ADAMTSL3: variants seen among roughly 807,000 people sequenced by gnomAD.
The protein encoded by ADAMTSL3 is ADAMTS like 3.
Under a neutral mutation model 201.7 loss-of-function variants are expected in ADAMTSL3, and 128 were observed. That is an observed-to-expected ratio of 0.63 (90% CI 0.55 to 0.73). The LOEUF (loss-of-function observed/expected upper bound fraction) is 0.73, where lower values mean the gene tolerates loss of function less well. Among genes scored for constraint, ADAMTSL3 ranks in the 30% least tolerant of loss-of-function variants. ADAMTSL3 has a pLI of 0.00. For missense variants in ADAMTSL3, 1,990 were observed against 2,119.6 expected (o/e 0.94, Z 1.20); for synonymous variants, 738 against 748.4 (o/e 0.99, Z 0.23).
At chr15:83,901,294 A>G (rs2065719333) in intron 15 of ADAMTSL3, among the ~76,000 whole-genome samples, 1 of 152,110 alleles carries the variant, frequency 6.6e-6, no homozygotes, top group Admixed American at 6.5e-5. Flanking sequence ...AAGGGAGTAA[A>G]GTAGTGGAGA....
At chr15:83,877,962 C>G (rs1239064791) in intron 9 of ADAMTSL3, among the ~76,000 whole-genome samples, 1 of 151,876 alleles carries the variant, frequency 6.6e-6, no homozygotes, top group African/African-American at 2.4e-5. Context: ...TTTGTGAATT[C>G]TTTTGGATTG....
intron 8 of ADAMTSL3, among the ~76,000 whole-genome samples, chr15:83,864,382 A>G (rs1279577482): frequency 2.6e-5 from 4 of 152,190 alleles, no homozygotes; most frequent in Non-Finnish European, 4.4e-5. Context: ...CTGGCAAACC[A>G]AATCCAGCAG....
intron 26 of ADAMTSL3, among the ~76,000 whole-genome samples, chr15:84,022,582 C>T (rs2068223390): frequency 6.6e-6 from 1 of 152,206 alleles, no homozygotes; most frequent in African/African-American, 2.4e-5. Flanking sequence ...GTGCAATTTA[C>T]ACATTTATCT....
intron 3 of ADAMTSL3, among the ~76,000 whole-genome samples, chr15:83,711,454 T>A (rs1422058734): frequency 1.3e-5 from 2 of 152,228 alleles, no homozygotes; most frequent in African/African-American, 4.8e-5. Context: ...AGTTTCTGTG[T>A]TGTTTCTGGC....
At chr15:83,986,686 G>A (rs2067482443) in intron 21 of ADAMTSL3, among the ~76,000 whole-genome samples, 1 of 152,110 alleles carries the variant, frequency 6.6e-6, no homozygotes, top group Admixed American at 6.5e-5. Flanking sequence ...AAGTAATTGA[G>A]AAATGGAATT....
intron 23 of ADAMTSL3, among the ~76,000 whole-genome samples, chr15:84,003,043 A>G (rs2067827424): frequency 1.4e-5 from 2 of 146,892 alleles, no homozygotes; most frequent in African/African-American, 5.1e-5. Context: ...CTGCAGCCTC[A>G]AACTCCTGTG....
intron 6 of ADAMTSL3, among the ~76,000 whole-genome samples, chr15:83,827,229 T>C (rs187642599): frequency 0.02 from 3,042 of 152,306 alleles, 88 homozygotes; most frequent in African/African-American, 0.069. Flanking sequence ...GGTATCTCAT[T>C]GTGGTTTTGA....
chr15:83,859,237 A>G (rs1018114671), intron 8 of ADAMTSL3, among the ~76,000 whole-genome samples: 1 of 152,248 alleles, frequency 6.6e-6, no homozygotes, highest in African/African-American at 2.4e-5. Flanking sequence ...GGGGGCTTAC[A>G]GACCATAGGT....
chr15:84,002,604 T>A (rs1400966648), intron 23 of ADAMTSL3, among the ~76,000 whole-genome samples: 1 of 152,120 alleles, frequency 6.6e-6, no homozygotes, highest in Admixed American at 6.5e-5. Flanking sequence ...ATTAGACCAA[T>A]GGGTAAACCA....
chr15:83,988,854 C>CT, intron 22 of ADAMTSL3, 36 bp downstream of exon 22: 1 of 1,317,106 alleles, frequency 7.6e-7, no homozygotes, highest in Non-Finnish European at 9.8e-7. Flanking sequence ...ATGCCTGGTT[C>CT]TTTATTTTTT....
chr15:83,807,098 A>G (rs760121003), intron 5 of ADAMTSL3, among the ~76,000 whole-genome samples: 3 of 152,248 alleles, frequency 2.0e-5, no homozygotes, highest in Non-Finnish European at 4.4e-5. Context: ...AAGAGCTACA[A>G]AAAAGTAAGA....
At chr15:83,850,730 C>G (rs1392148430) in intron 7 of ADAMTSL3, among the ~76,000 whole-genome samples, 1 of 152,136 alleles carries the variant, frequency 6.6e-6, no homozygotes, top group African/African-American at 2.4e-5. Flanking sequence ...TACTGCTCAT[C>G]CAAAAGGCAC....
rs1314824350 is a variant in ADAMTSL3 at position 83,943,036 on chromosome 15, C to T, written c.2444C>T (p.Ala815Val). ...GPKASSHKSC[A>V]RTDCPPHLAV... ...AAGGCATCGTCTCACAAGTCCTGTG[C>T]CAGGACAGACTGTCCTCCACATTTA... is the stretch of plus-strand genomic sequence containing the variant. The change falls in exon 19 of 30, where the codon GCC becomes GTC. Residue 815 changes from alanine to valine, a missense_variant. By Grantham distance (64) the Ala-to-Val change is moderately conservative (BLOSUM62 0). Coordinates refer to ENST00000286744, the MANE Select transcript of ADAMTSL3 (RefSeq NM_207517.3). 6.2e-7 allele frequency: 1 copy of T among 1,613,900 alleles called. No individual in the cohort carries two copies. Among genetic ancestry groups the T allele is most frequent in the Middle Eastern group, 1.7e-4 (1 of 6,058 alleles).
At chr15:83,916,335 A>T (rs2066032091) in intron 16 of ADAMTSL3, among the ~76,000 whole-genome samples, 1 of 152,170 alleles carries the variant, frequency 6.6e-6, no homozygotes, top group Non-Finnish European at 1.5e-5. Context: ...TAATAATATT[A>T]TTGAAATGAG....
Position 83,982,238 on chromosome 15 carries a change from G to T in ADAMTSL3, c.2645-35G>T, listed in dbSNP as rs906426. ...GTCTGTATTTTTGAGATGTTTATTC[G>T]TATTTTCTTTTCTTTCTTTTTTTTT... On this transcript the variant is annotated intron_variant, in intron 20 of 29. Transcript: ENST00000286744. 6,408 of 1,505,912 alleles carry T rather than the reference G, an allele frequency of 4.3e-3. 245 individuals carry two copies. The African/African-American group carries it at 0.082, about 19-fold the overall frequency. 93.3% of individuals were successfully genotyped at this position (1,505,912 alleles called of 1,614,324 possible). A position where few individuals can be genotyped will look rare whatever the true frequency, so the allele number is the denominator to read the frequency against.
intron 6 of ADAMTSL3, among the ~76,000 whole-genome samples, chr15:83,836,339 A>G (rs945099528): frequency 1.3e-5 from 2 of 152,238 alleles, no homozygotes; most frequent in African/African-American, 4.8e-5. Flanking sequence ...AATATACAGA[A>G]CAAAAGTAGA....
At chr15:84,016,211 C>T (rs901931127) in intron 24 of ADAMTSL3, among the ~76,000 whole-genome samples, 172 bp from the exon 25 acceptor site, 3 of 152,200 alleles carry the variant, frequency 2.0e-5, no homozygotes, top group East Asian at 1.9e-4. Context: ...ACACCCCACA[C>T]GTCCATACTT....
At chr15:83,970,340 A>G in intron 19 of ADAMTSL3, 144 bp from the exon 20 acceptor site, 1 of 832,934 alleles carries the variant, frequency 1.2e-6, no homozygotes, top group Non-Finnish European at 1.9e-6. Context: ...GACATAAAAG[A>G]TGTTCAAGCC....
chr15:83,796,754 A>G (rs1013941910), intron 4 of ADAMTSL3, among the ~76,000 whole-genome samples: 1 of 152,190 alleles, frequency 6.6e-6, no homozygotes, highest in Non-Finnish European at 1.5e-5. Flanking sequence ...AAACAGATAT[A>G]TGCGTATGTG....
Sources: gnomAD v4.1 joint callset for allele counts (sites outside exome capture counted in the v4.1 genomes callset) on GRCh38, gnomAD v4.1.1 for gene constraint, MANE v1.5 for transcripts, NCBI Gene and HGNC (gene_info 2026-07-23, HGNC 2026-07-21) for gene names.